Variants in AGRN observed in about 807,000 individuals in gnomAD.
The protein encoded by AGRN is agrin.
AGRN carries 106 observed loss-of-function variants against 211.0 expected under a neutral mutation model. That is an observed-to-expected ratio of 0.50 (90% CI 0.43 to 0.59). The LOEUF is 0.59. AGRN is among the 20% of genes least tolerant of loss of function. The probability of loss-of-function intolerance (pLI) is 0.00; values close to 1 mark genes in which losing one functional copy is unlikely to be tolerated. For synonymous variants in AGRN, 1,525 were observed against 1,332.5 expected, an observed-to-expected ratio of 1.14 and a Z score of -3.15; for missense variants, 3,040 against 2,982.6, an observed-to-expected ratio of 1.02 and a Z score of -0.45.
intron 7 of AGRN, 131 bp downstream of exon 7, chr1:1,042,293 G>T: frequency 8.3e-7 from 1 of 1,200,860 alleles, no homozygotes; most frequent in Non-Finnish European, 1.1e-6. Flanking sequence ...CCTCTGGGAA[G>T]GCTCTGGGGA....
At position 1,051,379 on chromosome 1, in the gene AGRN, G is replaced by A; in HGVS notation, c.5370+10G>A. On this transcript the variant is annotated intron_variant, in intron 31 of 35. Transcript: ENST00000379370. ...CGGTGCCATCCAGCTGGTATGTGGG[G>A]GCGGGGCGTCCCAGCAGGGCCTCCG... The A allele has an allele frequency of 6.4e-7, 1 of 1,558,196 alleles. No homozygotes were observed.
intron 2 of AGRN, chr1:1,034,684 G>A (rs1401665392): frequency 5.0e-6 from 5 of 991,522 alleles, no homozygotes; most frequent in Admixed American, 5.6e-5. Context: ...GCTTCGCGGT[G>A]CTGCTGTTCC....
At chr1:1,045,682 G>A in intron 14 of AGRN, 51 bp from the exon 15 acceptor site, 1 of 1,612,682 alleles carries the variant, frequency 6.2e-7, no homozygotes, top group Non-Finnish European at 8.5e-7. Context: ...GAGGAGGTGG[G>A]GAAGCCCGTC....
rs751857392 is a variant in AGRN at position 1,044,351 on chromosome 1, G to T, written c.2166G>T (p.Gly722=). Residue 722 remains glycine (G), a synonymous_variant, in exon 12 of 36, where the codon GGG becomes GGT. Transcript: ENST00000379370. ...VPGSPVCGSD[G]VTYSTECELK... is the part of the protein sequence containing the mutation. ...CCCTCCAGGTGTGCGGCTCAGATGG[G>T]GTCACCTACAGCACCGAGTGTGAGC... 9.3e-6 allele frequency: 15 copies of T among 1,612,640 alleles called. No homozygotes were observed. The highest frequency in any genetic ancestry group is 1.3e-5 in the Non-Finnish European group (15 of 1,179,854).
Position 1,031,133 on chromosome 1 carries a change from G to A in AGRN, c.464-4144G>A, listed in dbSNP as rs1207118669. 6.7e-5 allele frequency among the ~76,000 whole-genome samples: 10 copies of A among 148,760 alleles called. No homozygotes were observed. The highest frequency in any genetic ancestry group is 2.5e-4 in the African/African-American group (10 of 40,134). On this transcript the variant is annotated intron_variant, in intron 2 of 35. Coordinates refer to ENST00000379370, the MANE Select transcript of AGRN (RefSeq NM_198576.4). This position sits in a 1 kb window ranked among gnomAD's most constrained non-coding sequence, Gnocchi z 4.8. The stretch of plus-strand genomic sequence containing the variant: ...GCATGGTGCTGTGTGAGATGTGTGT[G>A]TGTGCAGTGCATGGTGCTGTGTGAG...
chr1:1,026,659 C>T lies in AGRN; in HGVS notation c.463+4197C>T, dbSNP rs564214660. ...TCCCTGCAGTCCTGGTTCTGGCACC[C>T]CCTCCCCACTTGGACTGGGCTCCCC... On this transcript the variant is annotated intron_variant, in intron 2 of 35. Coordinates refer to ENST00000379370, the MANE Select transcript of AGRN (RefSeq NM_198576.4). Among the ~76,000 whole-genome samples the T allele has an allele frequency of 7.9e-5, 12 of 152,214 alleles. No homozygotes were observed. In the South Asian group the frequency reaches 1.7e-3, roughly 21 times the overall value.
chr1:1,032,623 G>A lies in AGRN; in HGVS notation c.464-2654G>A, dbSNP rs1236767181. On this transcript the variant is annotated intron_variant, in intron 2 of 35. Coordinates refer to ENST00000379370, the MANE Select transcript of AGRN (RefSeq NM_198576.4). This position sits in a 1 kb window ranked among gnomAD's most constrained non-coding sequence, Gnocchi z 4.7. ...TGGTGGCTGCCGGCAGCTGTCGTCT[G>A]CAGAGTGGGTGAGACCGAGTGTGGC... Among the ~76,000 whole-genome samples the A allele has an allele frequency of 6.6e-6, 1 of 152,114 alleles. No individual in the cohort carries two copies. The highest frequency in any genetic ancestry group is 2.4e-5 in the African/African-American group (1 of 41,366).
chr1:1,041,923 C>T (rs199554693), intron 6 of AGRN, 33 bp from the exon 7 acceptor site: 13 of 1,607,580 alleles, frequency 8.1e-6, no homozygotes, highest in African/African-American at 2.7e-5. Context: ...GGTGCTCCAG[C>T]CTCTCCGTGA....
chr1:1,031,779 C>T lies in AGRN; in HGVS notation c.464-3498C>T, dbSNP rs899469882. On this transcript the variant is annotated intron_variant, in intron 2 of 35. Transcript: ENST00000379370. The surrounding 1 kb of genome is among the most constrained non-coding windows in gnomAD (Gnocchi z 4.8). ...CCACATTGTGGTACCTGTCCTCCTC[C>T]TGCAGAGCCCGCCCAGAGATCCCAT... is the stretch of plus-strand genomic sequence containing the variant. Among the ~76,000 whole-genome samples the T allele has an allele frequency of 3.3e-5, 5 of 152,232 alleles. No individual in the cohort carries two copies. The highest frequency in any genetic ancestry group is 9.6e-5 in the African/African-American group (4 of 41,456).
rs1427781010 is a variant in AGRN at position 1,048,280 on chromosome 1, C to G, written c.4020C>G (p.His1340Gln). The G allele has an allele frequency of 5.2e-6, 8 of 1,525,194 alleles. No individual in the cohort carries two copies. In the African/African-American group the frequency reaches 1.1e-4, roughly 21 times the overall value. The allele number at this position is 1,525,194 out of a possible 1,614,324, so 94.5% of individuals were successfully genotyped here. The change falls in exon 23 of 36, where the codon CAC becomes CAG. Residue 1340 changes from histidine (H) to glutamine (Q), a missense_variant. By Grantham distance (24) the His-to-Gln change is conservative (BLOSUM62 0). This residue lies in a region of AGRN where 1,537 missense variants were observed against 1,505.0 expected (regional missense o/e 1.02). Coordinates refer to ENST00000379370, the MANE Select transcript of AGRN (RefSeq NM_198576.4). This position sits in a 1 kb window ranked among gnomAD's most constrained non-coding sequence, Gnocchi z 5.9. ...CCTGTGACTCACAGCCCTGCTTCCACGGGGGGACCTGCCAGGACTGGGCAT... is the reference window on the plus strand; with the variant it reads ...CCTGTGACTCACAGCCCTGCTTCCAGGGGGGGACCTGCCAGGACTGGGCAT... ...PKPCDSQPCF[H>Q]GGTCQDWALG...
In AGRN at chr1:1,032,843, G is replaced by C. The variant is rs1375996314; in HGVS notation, c.464-2434G>C. On this transcript the variant is annotated intron_variant, in intron 2 of 35. Coordinates refer to ENST00000379370, the MANE Select transcript of AGRN (RefSeq NM_198576.4). This position sits in a 1 kb window ranked among gnomAD's most constrained non-coding sequence, Gnocchi z 4.7. ...GCCAGGGGTGTGCGGGGGCGCTGAG[G>C]TGCGGTCGCCGAGAGATTCTGGCCT... Among the ~76,000 whole-genome samples the C allele has an allele frequency of 6.6e-6, 1 of 152,138 alleles. No individual in the cohort carries two copies.
intron 19 of AGRN, 118 bp from the exon 20 acceptor site, chr1:1,047,209 C>T: frequency 2.0e-6 from 3 of 1,485,362 alleles, no homozygotes; most frequent in South Asian, 1.4e-5. Context: ...ACCTCATGAC[C>T]ATCTGACTAA....
chr1:1,047,347 G>A lies in AGRN; in HGVS notation c.3409G>A (p.Val1137Ile), dbSNP rs778480770. ...NCPATKVFQGVLELEGVEGQE... is the reference protein window; with the variant it reads ...NCPATKVFQGILELEGVEGQE... ...CACAGCCACCAAGGTGTTCCAGGGC[G>A]TCCTGGAGCTGGAGGGCGTCGAGGG... The change falls in exon 20 of 36, where the codon GTC becomes ATC. Residue 1137 changes from valine to isoleucine, a missense_variant. Val to Ile is a conservative substitution (Grantham distance 29). This residue lies in a region of AGRN where 1,537 missense variants were observed against 1,505.0 expected (regional missense o/e 1.02). Coordinates refer to ENST00000379370, the MANE Select transcript of AGRN (RefSeq NM_198576.4). 3.0e-5 allele frequency: 49 copies of A among 1,606,708 alleles called. No homozygotes were observed. Among genetic ancestry groups the A allele is most frequent in the Non-Finnish European group, 3.8e-5 (45 of 1,176,946 alleles).
chr1:1,053,971 C>G lies in AGRN; in HGVS notation c.5870C>G (p.Ala1957Gly), dbSNP rs1350518347. The G allele has an allele frequency of 6.3e-7, 1 of 1,599,226 alleles. No individual in the cohort carries two copies. The highest frequency in any genetic ancestry group is 8.5e-7 in the Non-Finnish European group (1 of 1,173,912). ...ACCAACCGCTGGTTGCGGGTCGTGG[C>G]ACATAGGTGAGTAGGGAACCCAGCG... Reference protein sequence around the residue: ...VNTNRWLRVVAHREQREGSLQ... With the variant: ...VNTNRWLRVVGHREQREGSLQ... Residue 1957 changes from alanine (A) to glycine (G), a missense_variant, in exon 34 of 36, where the codon GCA becomes GGA. Ala to Gly is a moderately conservative substitution (Grantham distance 60, BLOSUM62 0). This residue lies in a region of AGRN where 1,537 missense variants were observed against 1,505.0 expected (regional missense o/e 1.02). Coordinates refer to ENST00000379370, the MANE Select transcript of AGRN (RefSeq NM_198576.4).
rs1445429136 is a variant in AGRN at position 1,022,363 on chromosome 1, C to T, written c.364C>T (p.Pro122Ser). The change falls in exon 2 of 36, where the codon CCA (proline) becomes TCA (serine). Residue 122 changes from proline to serine, a missense_variant. By Grantham distance (74) the Pro-to-Ser change is moderately conservative. This residue lies in a region of AGRN where 1,498 missense variants were observed against 1,457.8 expected (regional missense o/e 1.03). Coordinates refer to ENST00000379370, the MANE Select transcript of AGRN (RefSeq NM_198576.4). ...TRIFFVNPAP[P>S]YLWPAHKNEL... ...GATCTTCTTTGTGAACCCTGCACCC[C>T]CATACCTGTGGCCAGCCCACAAGAA... The T allele has an allele frequency of 1.9e-6, 3 of 1,613,372 alleles. No individual in the cohort carries two copies. Among genetic ancestry groups the T allele is most frequent in the Non-Finnish European group, 1.7e-6 (2 of 1,180,002 alleles).
Position 1,053,550 on chromosome 1 carries a change from C to T in AGRN, c.5652-203C>T, listed in dbSNP as rs535039526. 35 of 1,529,188 alleles carry T rather than the reference C, an allele frequency of 2.3e-5. 1 individual carries two copies. The Admixed American group carries it at 3.8e-4, about 16-fold the overall frequency. The allele number at this position is 1,529,188 out of a possible 1,614,324, so 94.7% of individuals were successfully genotyped here. A position where few individuals can be genotyped will look rare whatever the true frequency, so the allele number is the denominator to read the frequency against. On this transcript the variant is annotated intron_variant, in intron 33 of 35. Coordinates refer to ENST00000379370, the MANE Select transcript of AGRN (RefSeq NM_198576.4). The stretch of plus-strand genomic sequence containing the variant: ...CTGGCTGGCCCATCTGTCCTCCCGC[C>T]CGTCTCTCTGATCTCTCTCTGCCAG...
chr1:1,033,498 A>T (rs1165794255), intron 2 of AGRN, among the ~76,000 whole-genome samples: 1 of 148,874 alleles, frequency 6.7e-6, no homozygotes, highest in Admixed American at 6.6e-5. Context: ...TCCTCCCGCG[A>T]CCTGCCCCGG....
At chr1:1,021,735 A>C (rs143783277) in intron 1 of AGRN, among the ~76,000 whole-genome samples, 3 of 152,352 alleles carry the variant, frequency 2.0e-5, no homozygotes, top group Non-Finnish European at 4.4e-5. Flanking sequence ...AGACTGTAGA[A>C]GCCCGAGGAA....
At position 1,031,167 on chromosome 1, in the gene AGRN, T is replaced by C. The variant is rs1453709164; in HGVS notation, c.464-4110T>C. On this transcript the variant is annotated intron_variant, in intron 2 of 35. Coordinates refer to ENST00000379370, the MANE Select transcript of AGRN (RefSeq NM_198576.4). The surrounding 1 kb of genome is among the most constrained non-coding windows in gnomAD (Gnocchi z 4.8). ...GCATGGTGCTGTGTGAGATTGTGTG[T>C]GTGCAGTGCATGGTGCTGAGTGTGA... Among the ~76,000 whole-genome samples the C allele has an allele frequency of 3.4e-5, 5 of 146,200 alleles. No individual in the cohort carries two copies. Among genetic ancestry groups the C allele is most frequent in the African/African-American group, 1.0e-4 (4 of 38,842 alleles).
Sources: allele counts gnomAD v4.1 joint callset (sites outside exome capture counted in the v4.1 genomes callset), GRCh38; gene constraint gnomAD v4.1.1; regional missense constraint gnomAD v4.1.1; non-coding constraint Gnocchi (gnomAD v3.1); transcripts MANE v1.5; gene names NCBI Gene and HGNC (gene_info 2026-07-23, HGNC 2026-07-21).